Variants in GOLGA4 observed in about 807,000 individuals in gnomAD.
The protein encoded by GOLGA4 is golgin subfamily A member 4.
In GOLGA4, 169 loss-of-function variants were observed where a neutral mutation model predicts 265.9. The ratio of observed to expected loss-of-function variants is 0.64; its 90% CI spans 0.56 to 0.72. The LOEUF (loss-of-function observed/expected upper bound fraction) is 0.72. Among genes scored for constraint, GOLGA4 ranks in the 30% least tolerant of loss-of-function variants. The pLI is 0.00. For synonymous variants in GOLGA4, 923 were observed against 855.8 expected (o/e 1.08, Z -1.37); for missense variants, 2,482 against 2,483.4 (o/e 1.00, Z 0.01).
At chr3:37,336,178 T>C (rs956237361) in intron 17 of GOLGA4, among the ~76,000 whole-genome samples, 1 of 152,218 alleles carries the variant, frequency 6.6e-6, no homozygotes, top group African/African-American at 2.4e-5. Flanking sequence ...TCTGTTTCTT[T>C]AATAGCTAAG....
rs2096976102 is a variant in GOLGA4, at chr3:37,327,625, C to T, written c.5739C>T (p.Val1913=). The T allele has an allele frequency of 6.2e-7, 1 of 1,613,536 alleles. No individual in the cohort carries two copies. The highest frequency in any genetic ancestry group is 1.3e-5 in the African/African-American group (1 of 75,008). ...AAGAAAAGTCCAAATCACATTTGGT[C>T]CAACCCAAATTGCTTAGTAACATGG... ...NTEEKSKSHL[V]QPKLLSNMEA... is the part of the protein sequence containing the mutation. The change falls in exon 14 of 24, where the codon GTC becomes GTT. Residue 1913 remains valine, a synonymous_variant. Coordinates refer to ENST00000361924, the MANE Select transcript of GOLGA4 (RefSeq NM_002078.5).
rs2096885575 is a variant in GOLGA4 at position 37,298,922 on chromosome 3, A to G, written c.904A>G (p.Ile302Val). The change falls in exon 8 of 24, where the codon ATT (isoleucine) becomes GTT (valine). Residue 302 changes from isoleucine (I) to valine (V), a missense_variant. Transcript: ENST00000361924. ...CCTACTTAAGCGTTGTAAGGAAACA[A>G]TTCAGTCACATAAGGAACAATGTAC... is the stretch of plus-strand genomic sequence containing the variant. ...ENLLKRCKET[I>V]QSHKEQCTLL... is the part of the protein sequence containing the mutation. 6 of 1,613,384 alleles carry G rather than the reference A, an allele frequency of 3.7e-6. No homozygotes were observed. The highest frequency in any genetic ancestry group is 1.1e-5 in the South Asian group (1 of 91,020).
In GOLGA4 at chr3:37,366,092, T is replaced by C; in HGVS notation, c.*46T>C. 6.5e-7 allele frequency: 1 copy of C among 1,530,770 alleles called. No homozygotes were observed. Among genetic ancestry groups the C allele is most frequent in the Non-Finnish European group, 8.7e-7 (1 of 1,143,812 alleles). 94.8% of individuals were successfully genotyped at this position (1,530,770 alleles called of 1,614,324 possible). ...TTTTCTTTTCCAGTCATGGCTCCGA[T>C]CTTCATCTTGAAGAAGAGTGACATT... On this transcript the variant is annotated 3_prime_UTR_variant, in exon 24 of 24. Coordinates refer to ENST00000361924, the MANE Select transcript of GOLGA4 (RefSeq NM_002078.5).
At chr3:37,358,764 A>G (rs2097096869) in intron 22 of GOLGA4, among the ~76,000 whole-genome samples, 1 of 152,168 alleles carries the variant, frequency 6.6e-6, no homozygotes, top group Non-Finnish European at 1.5e-5. Flanking sequence ...TAAAGACCTC[A>G]GTAGGAGGGT....
intron 23 of GOLGA4, among the ~76,000 whole-genome samples, chr3:37,364,355 C>G (rs1194939054): frequency 6.6e-6 from 1 of 152,108 alleles, no homozygotes; most frequent in Non-Finnish European, 1.5e-5. Flanking sequence ...ATTCTCCTGC[C>G]TCAGCCTCCT....
intron 5 of GOLGA4, among the ~76,000 whole-genome samples, chr3:37,293,136 G>A (rs2096869293): frequency 6.6e-6 from 1 of 152,216 alleles, no homozygotes; most frequent in South Asian, 2.1e-4. Flanking sequence ...GATAAAATTA[G>A]AGGAGGACTT....
intron 20 of GOLGA4, 57 bp downstream of exon 20, chr3:37,340,256 C>T: frequency 1.6e-6 from 1 of 639,832 alleles, no homozygotes; most frequent in Admixed American, 3.0e-5. Flanking sequence ...TGGATTTGTG[C>T]ATGATTTTTA....
intron 5 of GOLGA4, among the ~76,000 whole-genome samples, chr3:37,291,388 A>G (rs2096864398): frequency 6.6e-6 from 1 of 152,198 alleles, no homozygotes. Context: ...ATAGATGAGT[A>G]AGCACCCATG....
At chr3:37,349,437 A>T (rs1422445850) in intron 21 of GOLGA4, among the ~76,000 whole-genome samples, 1 of 152,124 alleles carries the variant, frequency 6.6e-6, no homozygotes, top group Non-Finnish European at 1.5e-5. Context: ...ATAAGCCCAG[A>T]TGGTGGAGGG....
At chr3:37,277,627 G>A (rs994557996) in intron 2 of GOLGA4, among the ~76,000 whole-genome samples, 1 of 152,208 alleles carries the variant, frequency 6.6e-6, no homozygotes, top group African/African-American at 2.4e-5. Flanking sequence ...CTGTCAATGA[G>A]TGAGATTGTT....
At chr3:37,319,287 G>T in intron 12 of GOLGA4, 93 bp downstream of exon 12, 1 of 986,546 alleles carries the variant, frequency 1.0e-6, no homozygotes, top group African/African-American at 1.6e-5. Context: ...TTGGAAGTCA[G>T]ACTACTGGCA....
intron 3 of GOLGA4, among the ~76,000 whole-genome samples, chr3:37,285,532 A>G (rs1045057254): frequency 7.9e-5 from 12 of 152,252 alleles, no homozygotes; most frequent in African/African-American, 2.2e-4. Context: ...AATCAATTAC[A>G]TGATCTCTTA....
At chr3:37,360,144 A>G (rs2097100642) in intron 22 of GOLGA4, among the ~76,000 whole-genome samples, 1 of 152,132 alleles carries the variant, frequency 6.6e-6, no homozygotes, top group South Asian at 2.1e-4. Flanking sequence ...CATTCATTTT[A>G]TTTTATAAAA....
At chr3:37,302,492 C>T (rs1350046023) in intron 10 of GOLGA4, among the ~76,000 whole-genome samples, 160 bp downstream of exon 10, 2 of 152,252 alleles carry the variant, frequency 1.3e-5, no homozygotes, top group African/African-American at 4.8e-5. Context: ...CAGAGGTTGG[C>T]AAACTGTGGC....
rs562990140 is a variant in GOLGA4, at chr3:37,324,249, G to C, written c.2363G>C (p.Arg788Thr). 1 of 1,613,998 alleles carries C rather than the reference G, an allele frequency of 6.2e-7. No individual in the cohort carries two copies. Among genetic ancestry groups the C allele is most frequent in the African/African-American group, 1.3e-5 (1 of 74,922 alleles). ...GAAAATTTAGAGGCAGATATTAAAA[G>C]GTCTGAAGGGGAACTCCAGCAGGCA... The part of the protein sequence containing the change: ...HVENLEADIK[R>T]SEGELQQASA... Residue 788 changes from arginine (R) to threonine (T), a missense_variant, in exon 14 of 24, where the codon AGG becomes ACG. This residue lies in a region of GOLGA4 where 1,536 missense variants were observed against 1,483.7 expected (regional missense o/e 1.04). Transcript: ENST00000361924.
intron 2 of GOLGA4, among the ~76,000 whole-genome samples, chr3:37,277,723 AT>A (rs1373210284): frequency 1.3e-5 from 2 of 152,014 alleles, no homozygotes; most frequent in East Asian, 1.9e-4. Flanking sequence ...AGTGTGTACC[AT>A]TTTTTCTGTT....
intron 2 of GOLGA4, among the ~76,000 whole-genome samples, chr3:37,280,080 T>TA (rs2096830761): frequency 6.6e-6 from 1 of 152,182 alleles, no homozygotes; most frequent in African/African-American, 2.4e-5. Context: ...ACTGAAAGCT[T>TA]ACCATTGTTT....
chr3:37,328,321 G>T, intron 14 of GOLGA4, 95 bp from the exon 15 acceptor site: 1 of 1,151,948 alleles, frequency 8.7e-7, no homozygotes, highest in Non-Finnish European at 1.2e-6. Flanking sequence ...TTCATACAAT[G>T]AACTCATACT....
At chr3:37,257,886 T>A (rs957657899) in intron 2 of GOLGA4, among the ~76,000 whole-genome samples, 2 of 117,148 alleles carry the variant, frequency 1.7e-5, no homozygotes, top group Admixed American at 1.8e-4. Flanking sequence ...TGTGTTTTCA[T>A]ATATATACAT....
Sources: allele counts gnomAD v4.1 joint callset (sites outside exome capture counted in the v4.1 genomes callset), GRCh38; gene constraint gnomAD v4.1.1; regional missense constraint gnomAD v4.1.1; transcripts MANE v1.5; gene names NCBI Gene and HGNC (gene_info 2026-07-23, HGNC 2026-07-21).